The following DGLUCY variants were observed in gnomAD, a reference collection of about 807,000 sequenced individuals.
DGLUCY encodes the protein D-glutamate cyclase.
A neutral mutation model predicts 58.5 loss-of-function variants in DGLUCY; 58 were observed. That is an observed-to-expected ratio of 0.99 (90% confidence interval 0.80 to 1.23). The LOEUF (loss-of-function observed/expected upper bound fraction) is 1.23, where lower values mean the gene tolerates loss of function less well. DGLUCY is among the 50% of genes most tolerant of loss of function. The pLI is 0.00. For synonymous variants in DGLUCY, 325 were observed against 314.1 expected, an observed-to-expected ratio of 1.03 and a Z score of -0.37; for missense variants, 779 against 784.7, an observed-to-expected ratio of 0.99 and a Z score of 0.09.
rs141046187 is a variant in DGLUCY, at chr14:91,129,493, T to A, written c.-82+15210T>A. On this transcript the variant is annotated intron_variant, in intron 1 of 13. Transcript: ENST00000256324. ...ACTCATACCTGTAATCCCAGCACTTTCAGAGGCTGTGGCAGGAGGGTTGCT... is the reference window on the plus strand; with the variant it reads ...ACTCATACCTGTAATCCCAGCACTTACAGAGGCTGTGGCAGGAGGGTTGCT... Among the ~76,000 whole-genome samples the A allele has an allele frequency of 4.0e-3, 613 of 152,072 alleles. 8 individuals are homozygous for A. Among genetic ancestry groups the A allele is most frequent in the African/African-American group, 0.014 (579 of 41,484 alleles).
rs1491583254 is a variant in DGLUCY, at chr14:91,062,611, A to ATATATATAT, written c.-82+1907_-82+1908insTATATATAT. ...TATATATATATATATATATATATAT[A>ATATATATAT]AACAATCCTTAGCTCAAGGGCAGTT... On this transcript the variant is annotated intron_variant, in intron 1 of 4. Coordinates refer to the DGLUCY transcript ENST00000521334. 8.8e-4 allele frequency among the ~76,000 whole-genome samples: 22 copies of ATATATATAT among 25,078 alleles called. 3 individuals carry two copies. Among genetic ancestry groups the ATATATATAT allele is most frequent in the South Asian group, 4.6e-3 (2 of 432 alleles). 16.5% of individuals were successfully genotyped at this position (25,078 alleles called of 152,430 possible). A position where few individuals can be genotyped will look rare whatever the true frequency, so the allele number is the denominator to read the frequency against.
intron 1 of DGLUCY, among the ~76,000 whole-genome samples, chr14:91,120,555 G>A (rs1003956682): frequency 9.2e-5 from 14 of 151,978 alleles, no homozygotes; most frequent in African/African-American, 3.4e-4. Context: ...GGGATTACAG[G>A]CACCCACCAC....
chr14:91,096,733 G>A (rs900696911), intron 1 of DGLUCY, among the ~76,000 whole-genome samples: 3 of 152,172 alleles, frequency 2.0e-5, no homozygotes, highest in South Asian at 2.1e-4. Context: ...AGGTTTCAGC[G>A]TGTACATTCA....
chr14:91,104,313 C>T (rs564318116), upstream of DGLUCY, among the ~76,000 whole-genome samples: 211 of 152,078 alleles, frequency 1.4e-3, 1 homozygote, highest in Non-Finnish European at 2.2e-3. Context: ...CCGCCCTCCT[C>T]GGCCTCCCAA....
chr14:91,146,003 C>T (rs1209466648), intron 1 of DGLUCY, among the ~76,000 whole-genome samples: 6 of 152,140 alleles, frequency 3.9e-5, no homozygotes, highest in African/African-American at 9.7e-5. Context: ...ATCAGTCTCC[C>T]GAGTAGCTGG....
At chr14:91,181,897 G>A (rs2049196081) in intron 8 of DGLUCY, among the ~76,000 whole-genome samples, 1 of 151,018 alleles carries the variant, frequency 6.6e-6, no homozygotes, top group South Asian at 2.1e-4. Flanking sequence ...CGCCCACCTT[G>A]GCCTCCCAAA....
Position 91,196,868 on chromosome 14 carries a change from G to A in DGLUCY, c.1295+394G>A, listed in dbSNP as rs148834232. 4.3e-4 allele frequency among the ~76,000 whole-genome samples: 66 copies of A among 151,850 alleles called. 1 individual carries two copies. The Middle Eastern group carries it at 0.017, about 39-fold the overall frequency. On this transcript the variant is annotated intron_variant, in intron 10 of 13. Coordinates refer to ENST00000256324, the MANE Select transcript of DGLUCY (RefSeq NM_001102368.3). ...CTTTGGAAAATGAAATAGAAATACA[G>A]CATCATTGTATATCTTGTATAGTAA...
chr14:91,192,254 C>T (rs1237812411), intron 9 of DGLUCY, among the ~76,000 whole-genome samples: 2 of 152,120 alleles, frequency 1.3e-5, no homozygotes, highest in African/African-American at 2.4e-5. Context: ...TTAAGCCAAT[C>T]GTATTGTATG....
At chr14:91,154,447 G>T (rs971019595) in intron 1 of DGLUCY, among the ~76,000 whole-genome samples, 4 of 152,142 alleles carry the variant, frequency 2.6e-5, no homozygotes, top group Non-Finnish European at 5.9e-5. Flanking sequence ...TCTATTCTTT[G>T]TCGGGCACCC....
intron 7 of DGLUCY, among the ~76,000 whole-genome samples, chr14:91,179,107 T>C (rs1324520836): frequency 6.6e-6 from 1 of 152,232 alleles, no homozygotes; most frequent in African/African-American, 2.4e-5. Flanking sequence ...ACACCTATTA[T>C]GCGCAAGGCC....
At position 91,204,822 on chromosome 14, in the gene DGLUCY, G is replaced by C. The variant is rs112112803; in HGVS notation, c.1561G>C (p.Ala521Pro). The part of the protein sequence containing the change: ...CDVEADFAVI[A>P]GVSNWGGYAL... ...CGTGGAGGCTGACTTTGCCGTCATT[G>C]CTGGTGAGCACTCGGATGGCCGCCC... is the stretch of plus-strand genomic sequence containing the variant. The change falls in exon 12 of 14, where the codon GCT becomes CCT. Residue 521 changes from alanine to proline, a missense_variant. Transcript: ENST00000256324. 552 of 1,614,064 alleles carry C rather than the reference G, an allele frequency of 3.4e-4. No individual in the cohort carries two copies. The Middle Eastern group carries it at 4.1e-3, about 12-fold the overall frequency.
chr14:91,118,088 C>T (rs12882887), intron 1 of DGLUCY, among the ~76,000 whole-genome samples: 1,666 of 60,488 alleles, frequency 0.028, 72 homozygotes, highest in African/African-American at 0.11. Context: ...CCCCCCCCCC[C>T]TTTTTTTTTT....
chr14:91,190,018 C>T (rs1162731199), intron 9 of DGLUCY, among the ~76,000 whole-genome samples: 4 of 122,430 alleles, frequency 3.3e-5, no homozygotes, highest in East Asian at 2.6e-4. Flanking sequence ...GACGGAGTCT[C>T]GCTCTGTCGC....
At chr14:91,168,105 AT>A (rs201265137) in intron 4 of DGLUCY, among the ~76,000 whole-genome samples, 2 of 150,170 alleles carry the variant, frequency 1.3e-5, no homozygotes, top group Non-Finnish European at 3.0e-5. Flanking sequence ...GTCTCTACAA[AT>A]TTTTTTTTTA....
intron 10 of DGLUCY, 22 bp downstream of exon 10, chr14:91,196,496 T>G (rs1365568094): frequency 3.8e-6 from 6 of 1,597,928 alleles, no homozygotes; most frequent in African/African-American, 2.7e-5. Flanking sequence ...GCATCCCAGT[T>G]TAAGTGGCGG....
intron 8 of DGLUCY, chr14:91,185,426 G>A (rs1676156338): frequency 6.6e-6 from 1 of 151,362 alleles, no homozygotes; most frequent in South Asian, 2.1e-4. Context: ...GGCACTACAG[G>A]TGCGCACCAC....
intron 1 of DGLUCY, among the ~76,000 whole-genome samples, chr14:91,118,391 G>A (rs2045134103): frequency 6.6e-6 from 1 of 152,064 alleles, no homozygotes; most frequent in African/African-American, 2.4e-5. Context: ...CTCTTATCAG[G>A]CCTTAAAAGG....
At chr14:91,156,267 C>A (rs2047616975) in intron 1 of DGLUCY, among the ~76,000 whole-genome samples, 1 of 152,124 alleles carries the variant, frequency 6.6e-6, no homozygotes, top group South Asian at 2.1e-4. Context: ...GCATGCACCA[C>A]CACACCTGGC....
chr14:91,113,097 C>T (rs1296671205), upstream of DGLUCY, among the ~76,000 whole-genome samples: 8 of 151,414 alleles, frequency 5.3e-5, no homozygotes, highest in East Asian at 1.9e-4. Flanking sequence ...GGCAGGCGCT[C>T]GAGACCAGCC....
Sources: gnomAD v4.1 joint callset for allele counts (sites outside exome capture counted in the v4.1 genomes callset) on GRCh38, gnomAD v4.1.1 for gene constraint, MANE v1.5 for transcripts, NCBI Gene and HGNC (gene_info 2026-07-23, HGNC 2026-07-21) for gene names.